SLC6A3: variants seen among roughly 807,000 people sequenced by gnomAD.
SLC6A3 encodes sodium-dependent dopamine transporter.
Under a neutral mutation model 70.4 loss-of-function variants are expected in SLC6A3, and 19 were observed. That is an observed-to-expected ratio of 0.27 (90% confidence interval 0.19 to 0.40). The LOEUF is 0.40. SLC6A3 is among the 10% of genes least tolerant of loss of function. The pLI is 1.00. For missense variants in SLC6A3, 613 were observed against 838.5 expected (o/e 0.73, Z 3.32); for synonymous variants, 368 against 356.6 (o/e 1.03, Z -0.36).
intron 4 of SLC6A3, among the ~76,000 whole-genome samples, chr5:1,424,377 C>T (rs1334776263): frequency 6.6e-6 from 1 of 152,234 alleles, no homozygotes; most frequent in Non-Finnish European, 1.5e-5. Context: ...GGCCAGTCCC[C>T]GTCGTTCTGC....
intron 3 of SLC6A3, among the ~76,000 whole-genome samples, chr5:1,440,537 C>A (rs1756950775): frequency 6.6e-6 from 1 of 152,140 alleles, no homozygotes; most frequent in South Asian, 2.1e-4. Flanking sequence ...TGTCCCTCCC[C>A]CAAGTTCATC....
intron 4 of SLC6A3, among the ~76,000 whole-genome samples, chr5:1,429,704 C>G (rs1242151860): frequency 6.6e-6 from 1 of 152,246 alleles, no homozygotes; most frequent in Non-Finnish European, 1.5e-5. Flanking sequence ...ACCGGGAACT[C>G]TCAGGCTCTT....
At chr5:1,422,592 C>T (rs865961649) in intron 4 of SLC6A3, among the ~76,000 whole-genome samples, 6,210 of 71,582 alleles carry the variant, frequency 0.087, 31 homozygotes, top group East Asian at 0.11. Flanking sequence ...GGGTACCCAC[C>T]GCTGCCCAGT....
chr5:1,439,634 T>G (rs567276581), intron 3 of SLC6A3, among the ~76,000 whole-genome samples: 1 of 152,294 alleles, frequency 6.6e-6, no homozygotes, highest in South Asian at 2.1e-4. Context: ...TGGTAATGCG[T>G]CCTGGGGCCG....
rs752641911 is a variant in SLC6A3 at position 1,401,367 on chromosome 5, C to T, written c.1768-381G>A. The T allele has an allele frequency of 4.9e-5, 23 of 466,314 alleles. No homozygotes were observed. The highest frequency in any genetic ancestry group is 1.8e-4 in the Admixed American group (7 of 38,984). The allele number at this position is 466,314 out of a possible 1,614,324, so 28.9% of individuals were successfully genotyped here. On this transcript the variant is annotated intron_variant, in intron 13 of 14. Transcript: ENST00000270349. This position sits in a 1 kb window ranked among gnomAD's most constrained non-coding sequence, Gnocchi z 6.1. ...GTGCCCACACCCAGGTGGGCTGCCT[C>T]GGGGCCACCTGCAGCTGACATATTC...
At chr5:1,398,728 G>A (rs914984301) in intron 14 of SLC6A3, among the ~76,000 whole-genome samples, 2 of 152,220 alleles carry the variant, frequency 1.3e-5, no homozygotes, top group Non-Finnish European at 2.9e-5. Context: ...TCCCAGACAA[G>A]TCAGACTTTA....
In SLC6A3 at chr5:1,438,694, G is replaced by A. The variant is rs557232523; in HGVS notation, c.418+2665C>T. Among the ~76,000 whole-genome samples, 16 of 152,292 alleles carry A rather than the reference G, an allele frequency of 1.1e-4. No homozygotes were observed. Among genetic ancestry groups the A allele is most frequent in the Admixed American group, 3.9e-4 (6 of 15,300 alleles). ...TGCCCTCCTCACCTGAATCCTGCACGTGAAGAGGTGATTTAACTTGCTCCA... is the reference window on the plus strand; with the variant it reads ...TGCCCTCCTCACCTGAATCCTGCACATGAAGAGGTGATTTAACTTGCTCCA... On this transcript the variant is annotated intron_variant, in intron 3 of 14. Transcript: ENST00000270349. This position sits in a 1 kb window ranked among gnomAD's most constrained non-coding sequence, Gnocchi z 6.5.
intron 4 of SLC6A3, among the ~76,000 whole-genome samples, chr5:1,422,804 G>A (rs1263327448): frequency 1.1e-5 from 1 of 90,420 alleles, no homozygotes; most frequent in Non-Finnish European, 2.1e-5. Flanking sequence ...ACGGTGCTGG[G>A]TACCCACCGC....
At position 1,401,844 on chromosome 5, in the gene SLC6A3, G is replaced by C. The variant is rs537937583; in HGVS notation, c.1768-858C>G. On this transcript the variant is annotated intron_variant, in intron 13 of 14. Transcript: ENST00000270349. This position sits in a 1 kb window ranked among gnomAD's most constrained non-coding sequence, Gnocchi z 6.1. ...CTGCCCGGCTGCCTGCTCTTCCCCT[G>C]TGCTGGGTCCTGGCAGGTCAGCCCG... 6.6e-6 allele frequency among the ~76,000 whole-genome samples: 1 copy of C among 152,346 alleles called. No homozygotes were observed. The highest frequency in any genetic ancestry group is 1.9e-4 in the East Asian group (1 of 5,182).
Position 1,409,582 on chromosome 5 carries a change from C to T in SLC6A3, c.1398+139G>A, listed in dbSNP as rs957504388. 1.2e-5 allele frequency: 12 copies of T among 975,334 alleles called. No individual in the cohort carries two copies. The African/African-American group carries it at 1.7e-4, about 14-fold the overall frequency. 60.4% of individuals were successfully genotyped at this position (975,334 alleles called of 1,614,324 possible). A position where few individuals can be genotyped will look rare whatever the true frequency, so the allele number is the denominator to read the frequency against. ...AGTTACCCTGTGCACTGCTACGAGTCATTTTCTGGGGTGGGTGGGTTCGCA... is the reference window on the plus strand; with the variant it reads ...AGTTACCCTGTGCACTGCTACGAGTTATTTTCTGGGGTGGGTGGGTTCGCA... On this transcript the variant is annotated intron_variant, in intron 10 of 14. Coordinates refer to ENST00000270349, the MANE Select transcript of SLC6A3 (RefSeq NM_001044.5).
intron 7 of SLC6A3, among the ~76,000 whole-genome samples, chr5:1,415,265 G>A (rs771417459): frequency 5.9e-5 from 9 of 152,154 alleles, no homozygotes; most frequent in Non-Finnish European, 8.8e-5. Context: ...TGAGGGCTGA[G>A]AAACCAGAGA....
At position 1,432,501 on chromosome 5, in the gene SLC6A3, C is replaced by G. The variant is rs1472801185; in HGVS notation, c.616G>C (p.Asp206His). 1.9e-6 allele frequency: 3 copies of G among 1,614,206 alleles called. No homozygotes were observed. In the African/African-American group the frequency reaches 4.0e-5, roughly 22 times the overall value. ...GCAGCAGGTGTGGTCCCAAAAGTGTCGTTGAGGCCCGAGCTGTCTCCACTG... is the reference window on the plus strand; with the variant it reads ...GCAGCAGGTGTGGTCCCAAAAGTGTGGTTGAGGCCCGAGCTGTCTCCACTG... Reference protein sequence around the residue: ...DSSGDSSGLNDTFGTTPAAEY... With the variant: ...DSSGDSSGLNHTFGTTPAAEY... Residue 206 changes from aspartate to histidine, a missense_variant, in exon 4 of 15, where the codon GAC becomes CAC. Asp to His is a moderately conservative substitution (Grantham distance 81). Transcript: ENST00000270349.
In SLC6A3 at chr5:1,406,060, G is replaced by C. The variant is rs1416716137; in HGVS notation, c.1599+128C>G. The C allele has an allele frequency of 1.4e-6, 1 of 739,962 alleles. No homozygotes were observed. The highest frequency in any genetic ancestry group is 2.6e-5 in the East Asian group (1 of 38,526). 45.8% of individuals were successfully genotyped at this position (739,962 alleles called of 1,614,324 possible). ...TTCAGGGATCAGCCTGTCCTTCTGG[G>C]CCGAGTCTTGAGGCCCCTGACTCCA... On this transcript the variant is annotated intron_variant, in intron 12 of 14. Transcript: ENST00000270349. This position sits in a 1 kb window ranked among gnomAD's most constrained non-coding sequence, Gnocchi z 8.8.
At chr5:1,441,649 G>A (rs936794240) in intron 2 of SLC6A3, among the ~76,000 whole-genome samples, 159 bp from the exon 3 acceptor site, 2 of 152,164 alleles carry the variant, frequency 1.3e-5, no homozygotes, top group African/African-American at 4.8e-5. Flanking sequence ...GATGAGTCCC[G>A]AAGCCCGCCC....
chr5:1,400,421 G>A (rs1172307975), intron 14 of SLC6A3, among the ~76,000 whole-genome samples: 1 of 152,134 alleles, frequency 6.6e-6, no homozygotes, highest in Non-Finnish European at 1.5e-5. Context: ...GGCTCCCAGG[G>A]TGCAGGAAAC....
chr5:1,406,473 G>A lies in SLC6A3; in HGVS notation c.1499-185C>T, dbSNP rs147053584. 0.012 allele frequency among the ~76,000 whole-genome samples: 1,830 copies of A among 152,260 alleles called. 12 individuals are homozygous for A. Among genetic ancestry groups the A allele is most frequent in the Non-Finnish European group, 0.015 (1,054 of 68,014 alleles). On this transcript the variant is annotated intron_variant, in intron 11 of 14. Coordinates refer to ENST00000270349, the MANE Select transcript of SLC6A3 (RefSeq NM_001044.5). This position sits in a 1 kb window ranked among gnomAD's most constrained non-coding sequence, Gnocchi z 8.8. ...CCCACTGGGTGCCTCGCTGACGGGT[G>A]GGAGCCCACGTGCCTGCTCCACCCT... is the stretch of plus-strand genomic sequence containing the variant.
chr5:1,411,769 C>G lies in SLC6A3; in HGVS notation c.1157-414G>C, dbSNP rs1428754903. Reference sequence around the variant, plus strand: ...ATACCATGCAACATACACACTCAGACACACATACCATGCAACATACACACT... The same window carrying G: ...ATACCATGCAACATACACACTCAGAGACACATACCATGCAACATACACACT... On this transcript the variant is annotated intron_variant, in intron 8 of 14. Transcript: ENST00000270349. This position sits in a 1 kb window ranked among gnomAD's most constrained non-coding sequence, Gnocchi z 6.5. Among the ~76,000 whole-genome samples the G allele has an allele frequency of 6.8e-6, 1 of 148,066 alleles. No homozygotes were observed. Among genetic ancestry groups the G allele is most frequent in the Non-Finnish European group, 1.5e-5 (1 of 67,348 alleles).
At chr5:1,435,580 G>T (rs549190772) in intron 3 of SLC6A3, among the ~76,000 whole-genome samples, 1 of 152,356 alleles carries the variant, frequency 6.6e-6, no homozygotes, top group African/African-American at 2.4e-5. Context: ...GGCCACACTG[G>T]CTGATGCGGC....
At position 1,437,287 on chromosome 5, in the gene SLC6A3, A is replaced by AG. The variant is rs1216181392; in HGVS notation, c.418+4071dup. ...AAAAAGAAAAGAAAAGAAAAGAAAG[A>AG]GGGGAGAGGACGCCTCTCTGTGTCA... is the stretch of plus-strand genomic sequence containing the variant. On this transcript the variant is annotated intron_variant, in intron 3 of 14. Coordinates refer to ENST00000270349, the MANE Select transcript of SLC6A3 (RefSeq NM_001044.5). This position sits in a 1 kb window ranked among gnomAD's most constrained non-coding sequence, Gnocchi z 4.8. Among the ~76,000 whole-genome samples, 1 of 150,594 alleles carries AG rather than the reference A, an allele frequency of 6.6e-6. No homozygotes were observed. The highest frequency in any genetic ancestry group is 1.5e-5 in the Non-Finnish European group (1 of 67,718).
Sources: allele counts gnomAD v4.1 joint callset (sites outside exome capture counted in the v4.1 genomes callset), GRCh38; gene constraint gnomAD v4.1.1; non-coding constraint Gnocchi (gnomAD v3.1); transcripts MANE v1.5; gene names NCBI Gene and HGNC (gene_info 2026-07-23, HGNC 2026-07-21).